TMOD2: variants seen among roughly 807,000 people sequenced by gnomAD.
The protein encoded by TMOD2 is tropomodulin 2.
A neutral mutation model predicts 39.9 loss-of-function variants in TMOD2; 22 were observed. That is an observed-to-expected ratio of 0.55 (90% CI 0.39 to 0.79). TMOD2 has a LOEUF of 0.79. Among genes scored for constraint, TMOD2 ranks in the 30% least tolerant of loss-of-function variants. The pLI, the probability that TMOD2 is intolerant of heterozygous loss-of-function variation, is 0.00. For synonymous variants in TMOD2, 123 were observed against 146.1 expected (o/e 0.84, Z 1.14); for missense variants, 386 against 413.3 (o/e 0.93, Z 0.57).
chr15:51,758,648 A>C (rs926796923), intron 1 of TMOD2, among the ~76,000 whole-genome samples: 1 of 152,250 alleles, frequency 6.6e-6, no homozygotes, highest in African/African-American at 2.4e-5. Context: ...AGAGATTAGC[A>C]AGGAAAATAG....
chr15:51,761,966 T>C (rs1253720628), intron 1 of TMOD2, among the ~76,000 whole-genome samples: 1 of 151,276 alleles, frequency 6.6e-6, no homozygotes, highest in Non-Finnish European at 1.5e-5. Context: ...GCTAACACTG[T>C]GAAACCCTGT....
rs1259213566 is a variant in TMOD2 at position 51,782,710 on chromosome 15, C to G, written c.625-11C>G. Reference sequence around the variant, plus strand: ...ATGGTTCATCAACTAGCCATGTCCTCTCTGTCTTAGAACATTCCAATTCCA... The same window carrying G: ...ATGGTTCATCAACTAGCCATGTCCTGTCTGTCTTAGAACATTCCAATTCCA... On this transcript the variant is annotated splice_polypyrimidine_tract_variant and intron_variant, in intron 6 of 9. Transcript: ENST00000249700. 3.1e-6 allele frequency: 5 copies of G among 1,608,710 alleles called. No homozygotes were observed. In the East Asian group the frequency reaches 6.7e-5, roughly 22 times the overall value.
At chr15:51,776,335 T>C (rs1303506954) in intron 4 of TMOD2, among the ~76,000 whole-genome samples, 8 of 152,192 alleles carry the variant, frequency 5.3e-5, no homozygotes, top group Non-Finnish European at 8.8e-5. Flanking sequence ...CATTCATTCT[T>C]CCCCAGTGTT....
rs1338096908 is a variant in TMOD2, at chr15:51,816,106, A to C, written c.*7652A>C. 6.6e-6 allele frequency: 1 copy of C among 152,228 alleles called. No individual in the cohort carries two copies. Among genetic ancestry groups the C allele is most frequent in the Non-Finnish European group, 1.5e-5 (1 of 68,034 alleles). 9.4% of individuals were successfully genotyped at this position (152,228 alleles called of 1,614,324 possible). ...GTGGAAAGTAAATGTGTGATGAAGC[A>C]AAATGTATAAAGTATGAAATATTAT... On this transcript the variant is annotated 3_prime_UTR_variant, in exon 10 of 10. Transcript: ENST00000249700.
intron 6 of TMOD2, among the ~76,000 whole-genome samples, chr15:51,782,146 C>T (rs571273858): frequency 1.3e-5 from 2 of 152,228 alleles, no homozygotes; most frequent in East Asian, 3.9e-4. Flanking sequence ...TTTATTCAGT[C>T]TTTACTCTGA....
chr15:51,756,698 C>T (rs547823312), intron 1 of TMOD2, among the ~76,000 whole-genome samples: 2 of 152,216 alleles, frequency 1.3e-5, no homozygotes, highest in South Asian at 2.1e-4. Flanking sequence ...TTGGGAAATA[C>T]GAGCTCTGCA....
At chr15:51,761,138 T>C (rs1330207229) in intron 1 of TMOD2, among the ~76,000 whole-genome samples, 1 of 152,170 alleles carries the variant, frequency 6.6e-6, no homozygotes, top group Non-Finnish European at 1.5e-5. Context: ...GATCCAATTA[T>C]AGTGTTCTGG....
At chr15:51,781,451 C>T (rs1358560162) in intron 6 of TMOD2, among the ~76,000 whole-genome samples, 1 of 152,194 alleles carries the variant, frequency 6.6e-6, no homozygotes, top group East Asian at 1.9e-4. Context: ...AAACAACAGA[C>T]ATTTATTATT....
At chr15:51,797,529 T>C (rs551975529) in intron 7 of TMOD2, among the ~76,000 whole-genome samples, 199 of 152,292 alleles carry the variant, frequency 1.3e-3, no homozygotes, top group Non-Finnish European at 2.1e-3. Context: ...TTTTGTTTTG[T>C]TTTGTTTTCT....
chr15:51,755,205 A>T (rs1488826914), intron 1 of TMOD2, among the ~76,000 whole-genome samples: 2 of 152,226 alleles, frequency 1.3e-5, no homozygotes, highest in Non-Finnish European at 2.9e-5. Context: ...GTGTAAAATG[A>T]GATGCGCTCT....
At chr15:51,802,981 A>G (rs116854525) in intron 8 of TMOD2, among the ~76,000 whole-genome samples, 1 of 152,068 alleles carries the variant, frequency 6.6e-6, no homozygotes, top group African/African-American at 2.4e-5. Flanking sequence ...CTCCATACTT[A>G]AATTTTCCAA....
Position 51,808,659 on chromosome 15 carries a change from ACT to A in TMOD2, c.*206_*207del. 1 of 397,368 alleles carries A rather than the reference ACT, an allele frequency of 2.5e-6. No individual in the cohort carries two copies. Among genetic ancestry groups the A allele is most frequent in the Non-Finnish European group, 4.5e-6 (1 of 222,822 alleles). The allele number at this position is 397,368 out of a possible 1,614,324, so 24.6% of individuals were successfully genotyped here. On this transcript the variant is annotated 3_prime_UTR_variant, in exon 10 of 10. Coordinates refer to ENST00000249700, the MANE Select transcript of TMOD2 (RefSeq NM_014548.4). ...GCAATTGTTTTATTTGCTCATGGGC[ACT>A]TCTGGCAACTTGACAAATGGACCGA...
At chr15:51,797,138 C>T (rs1174755485) in intron 7 of TMOD2, among the ~76,000 whole-genome samples, 1 of 152,174 alleles carries the variant, frequency 6.6e-6, no homozygotes, top group African/African-American at 2.4e-5. Flanking sequence ...TAACTGAAAC[C>T]GCAGATTGCA....
intron 8 of TMOD2, among the ~76,000 whole-genome samples, chr15:51,805,564 A>G (rs1229919288): frequency 6.6e-6 from 1 of 152,242 alleles, no homozygotes; most frequent in Admixed American, 6.5e-5. Flanking sequence ...CAAATATAAC[A>G]TGTGCACAAC....
At chr15:51,798,153 A>G (rs1555462914) in intron 7 of TMOD2, 44 bp from the exon 8 acceptor site, 1 of 1,538,606 alleles carries the variant, frequency 6.5e-7, no homozygotes, top group Admixed American at 2.3e-5. Flanking sequence ...AATCTTTAGA[A>G]ATTCTAACTT....
In TMOD2 at chr15:51,806,371, A is replaced by C; in HGVS notation, c.877-6A>C. 1 of 1,614,116 alleles carries C rather than the reference A, an allele frequency of 6.2e-7. No homozygotes were observed. Among genetic ancestry groups the C allele is most frequent in the Non-Finnish European group, 8.5e-7 (1 of 1,179,958 alleles). On this transcript the variant is annotated splice_region_variant and splice_polypyrimidine_tract_variant and intron_variant, in intron 8 of 9. Coordinates refer to ENST00000249700, the MANE Select transcript of TMOD2 (RefSeq NM_014548.4). ...ATCCTGTGCATGTGTCTGCACCTGCAACCAGAGGCAGCAGTTGGGAACAGC... is the reference window on the plus strand; with the variant it reads ...ATCCTGTGCATGTGTCTGCACCTGCCACCAGAGGCAGCAGTTGGGAACAGC...
intron 6 of TMOD2, 74 bp from the exon 7 acceptor site, chr15:51,782,647 G>A (rs2055938576): frequency 3.5e-6 from 4 of 1,141,860 alleles, no homozygotes; most frequent in East Asian, 4.7e-5. Flanking sequence ...GGTATTTAAA[G>A]GTTGTGGGTT....
intron 8 of TMOD2, among the ~76,000 whole-genome samples, chr15:51,804,994 T>C (rs1200459294): frequency 6.6e-6 from 1 of 152,056 alleles, no homozygotes; most frequent in Non-Finnish European, 1.5e-5. Flanking sequence ...GGTCTCACTC[T>C]GTCACCCAGG....
chr15:51,764,045 TTTTG>T (rs1221381452), intron 1 of TMOD2, among the ~76,000 whole-genome samples: 19 of 151,972 alleles, frequency 1.3e-4, no homozygotes, highest in African/African-American at 2.9e-4. Flanking sequence ...TTAGTAGAAT[TTTTG>T]TTTGTTTATT....
Sources: allele counts gnomAD v4.1 joint callset (sites outside exome capture counted in the v4.1 genomes callset), GRCh38; gene constraint gnomAD v4.1.1; transcripts MANE v1.5; gene names NCBI Gene and HGNC (gene_info 2026-07-23, HGNC 2026-07-21).